The following MDFIC2 variants were observed in gnomAD, a reference collection of about 807,000 sequenced individuals.
MDFIC2 encodes the protein MyoD family inhibitor domain containing 2, also known as myoD family inhibitor domain-containing protein 2.
chr3:70,309,188 C>T (rs1015049070), intron 2 of MDFIC2, among the ~76,000 whole-genome samples: 24 of 151,988 alleles, frequency 1.6e-4, no homozygotes, highest in Non-Finnish European at 2.6e-4. Context: ...CCTCAAAGAC[C>T]GAGGTTGGAG....
chr3:70,280,899 A>G (rs1204371299), intron 2 of MDFIC2, among the ~76,000 whole-genome samples: 1 of 152,116 alleles, frequency 6.6e-6, no homozygotes, highest in Non-Finnish European at 1.5e-5. Context: ...AACAGATAGG[A>G]CTTGCTGGGT....
chr3:70,281,243 T>C (rs1328381845), intron 2 of MDFIC2, among the ~76,000 whole-genome samples: 4 of 152,136 alleles, frequency 2.6e-5, no homozygotes, highest in Non-Finnish European at 5.9e-5. Context: ...CTCTTCTGCA[T>C]AAATTTCTTC....
chr3:70,209,019 C>T (rs1210696827), intron 2 of MDFIC2, among the ~76,000 whole-genome samples: 1 of 152,006 alleles, frequency 6.6e-6, no homozygotes, highest in Non-Finnish European at 1.5e-5. Flanking sequence ...CACTAGGCTT[C>T]CTCTAACCCA....
chr3:70,235,950 C>T (rs1019786396), intron 2 of MDFIC2, among the ~76,000 whole-genome samples: 8 of 152,136 alleles, frequency 5.3e-5, no homozygotes, highest in Non-Finnish European at 1.2e-4. Context: ...TTTTTCCCAC[C>T]ATCATGATTC....
At chr3:70,265,960 C>T (rs1359165419) in intron 2 of MDFIC2, among the ~76,000 whole-genome samples, 2 of 152,208 alleles carry the variant, frequency 1.3e-5, no homozygotes, top group Middle Eastern at 3.4e-3. Flanking sequence ...CCCCTTGACA[C>T]GTGTAAATTA....
chr3:70,194,622 A>T lies in MDFIC2; in HGVS notation c.*2304T>A, dbSNP rs1701157747. 6.6e-6 allele frequency among the ~76,000 whole-genome samples: 1 copy of T among 152,218 alleles called. No individual in the cohort carries two copies. The highest frequency in any genetic ancestry group is 1.5e-5 in the Non-Finnish European group (1 of 68,040). On this transcript the variant is annotated 3_prime_UTR_variant, in exon 4 of 4. Transcript: ENST00000567252. ...CAAACCGTGGAAAGCAAGGCCACAG[A>T]AAGATCTTGTAGTGTTCTGACCACA...
intron 2 of MDFIC2, among the ~76,000 whole-genome samples, chr3:70,232,902 C>A (rs1701574291): frequency 6.6e-6 from 1 of 152,040 alleles, no homozygotes; most frequent in African/African-American, 2.4e-5. Flanking sequence ...AAGTTTGAAG[C>A]CCTATGCTAG....
intron 2 of MDFIC2, among the ~76,000 whole-genome samples, chr3:70,295,613 G>T (rs889344562): frequency 6.6e-6 from 1 of 152,116 alleles, no homozygotes; most frequent in Non-Finnish European, 1.5e-5. Context: ...GGAGACTTGA[G>T]CCCAAGAGGT....
intron 2 of MDFIC2, among the ~76,000 whole-genome samples, chr3:70,286,189 T>G (rs1284851127): frequency 6.6e-6 from 1 of 152,236 alleles, no homozygotes; most frequent in Non-Finnish European, 1.5e-5. Flanking sequence ...TTTATGGTTT[T>G]AGGTCTAAAG....
chr3:70,286,050 C>T (rs576116564), intron 2 of MDFIC2, among the ~76,000 whole-genome samples: 1 of 152,068 alleles, frequency 6.6e-6, no homozygotes, highest in African/African-American at 2.4e-5. Flanking sequence ...TGTGCAGAAG[C>T]TCTTTAGTTT....
intron 2 of MDFIC2, among the ~76,000 whole-genome samples, chr3:70,296,295 C>G (rs1702288353): frequency 6.6e-6 from 1 of 152,048 alleles, no homozygotes; most frequent in South Asian, 2.1e-4. Flanking sequence ...TTTTGTTTCC[C>G]TTTCCAAATC....
At chr3:70,207,492 G>C (rs1233207097) in intron 2 of MDFIC2, among the ~76,000 whole-genome samples, 1 of 151,946 alleles carries the variant, frequency 6.6e-6, no homozygotes, top group African/African-American at 2.4e-5. Flanking sequence ...TTCTGGTTTG[G>C]AGAGCCATAG....
chr3:70,289,370 G>A (rs1393758602), intron 2 of MDFIC2, among the ~76,000 whole-genome samples: 2 of 150,522 alleles, frequency 1.3e-5, no homozygotes, highest in African/African-American at 4.9e-5. Flanking sequence ...TTTTCTTTAA[G>A]AATGTTGAAT....
At chr3:70,198,759 A>G (rs892127639) in intron 3 of MDFIC2, among the ~76,000 whole-genome samples, 5 of 152,062 alleles carry the variant, frequency 3.3e-5, no homozygotes, top group Non-Finnish European at 5.9e-5. Flanking sequence ...CAATACCTCT[A>G]CTGTGTACAA....
intron 2 of MDFIC2, among the ~76,000 whole-genome samples, chr3:70,294,459 C>T (rs940546394): frequency 6.6e-6 from 1 of 151,900 alleles, no homozygotes; most frequent in African/African-American, 2.4e-5. Flanking sequence ...TATTCCCTGA[C>T]AGTTTCAAAA....
intron 2 of MDFIC2, among the ~76,000 whole-genome samples, chr3:70,305,394 G>A (rs1469860594): frequency 1.3e-5 from 2 of 152,108 alleles, no homozygotes; most frequent in Non-Finnish European, 2.9e-5. Flanking sequence ...AGAGTCTCAA[G>A]ATATGCTATT....
intron 2 of MDFIC2, among the ~76,000 whole-genome samples, chr3:70,218,153 C>T (rs951806879): frequency 1.1e-4 from 17 of 152,142 alleles, no homozygotes; most frequent in African/African-American, 4.1e-4. Flanking sequence ...AAATTTAGCC[C>T]AGTGGTCTCC....
chr3:70,202,229 T>C lies in MDFIC2; in HGVS notation c.310+4340A>G, dbSNP rs554385968. On this transcript the variant is annotated intron_variant, in intron 3 of 3. Transcript: ENST00000567252. ...TAGTGACTAGTGGTCTATCTGCTAATGGTTAGTGACTAATGGCCTATTTGA... is the reference window on the plus strand; with the variant it reads ...TAGTGACTAGTGGTCTATCTGCTAACGGTTAGTGACTAATGGCCTATTTGA... Among the ~76,000 whole-genome samples, 5 of 152,258 alleles carry C rather than the reference T, an allele frequency of 3.3e-5. No homozygotes were observed. The South Asian group carries it at 1.0e-3, about 32-fold the overall frequency.
chr3:70,233,966 G>C (rs1004160230), intron 2 of MDFIC2, among the ~76,000 whole-genome samples: 6 of 152,172 alleles, frequency 3.9e-5, no homozygotes, highest in African/African-American at 1.4e-4. Flanking sequence ...GCAAGTTTTT[G>C]TGTGGATATT....
Sources: gnomAD v4.1 joint callset for allele counts (sites outside exome capture counted in the v4.1 genomes callset) on GRCh38, gnomAD v4.1.1 for gene constraint, MANE v1.5 for transcripts, NCBI Gene and HGNC (gene_info 2026-07-23, HGNC 2026-07-21) for gene names.